SLIT2: variants seen among roughly 807,000 people sequenced by gnomAD.
SLIT2 encodes the protein slit homolog 2 protein.
In SLIT2, 41 loss-of-function variants were observed where a neutral mutation model predicts 185.7. That is an observed-to-expected ratio of 0.22 (90% CI 0.17 to 0.29). The LOEUF is 0.29. Among genes scored for constraint, SLIT2 ranks in the 10% least tolerant of loss-of-function variants. The probability of loss-of-function intolerance (pLI) is 1.00; values close to 1 mark genes in which losing one functional copy is unlikely to be tolerated. For missense variants in SLIT2, 1,571 were observed against 1,909.0 expected (o/e 0.82, Z 3.30); for synonymous variants, 693 against 680.2 (o/e 1.02, Z -0.29).
At chr4:20,441,287 G>A (rs1729717354) in intron 4 of SLIT2, among the ~76,000 whole-genome samples, 1 of 152,102 alleles carries the variant, frequency 6.6e-6, no homozygotes. Flanking sequence ...TTTCGTGCTT[G>A]TGGCACAGGA....
intron 4 of SLIT2, among the ~76,000 whole-genome samples, chr4:20,329,336 G>A (rs1240207695): frequency 6.6e-6 from 1 of 151,796 alleles, no homozygotes; most frequent in African/African-American, 2.4e-5. Flanking sequence ...AGAATAATTA[G>A]ATGAAATAAG....
At chr4:20,554,055 A>C in intron 26 of SLIT2, 87 bp downstream of exon 26, 1 of 1,057,888 alleles carries the variant, frequency 9.5e-7, no homozygotes, top group Non-Finnish European at 1.4e-6. Flanking sequence ...ATCCAAAGGT[A>C]TGGTTGAAAT....
intron 4 of SLIT2, among the ~76,000 whole-genome samples, chr4:20,412,920 T>C (rs1727370388): frequency 6.6e-6 from 1 of 152,110 alleles, no homozygotes; most frequent in Admixed American, 6.5e-5. Flanking sequence ...CACTTTCTTC[T>C]TCTTTTTCAA....
rs543509595 is a variant in SLIT2 at position 20,436,291 on chromosome 4, T to C, written c.396-31461T>C. Among the ~76,000 whole-genome samples, 81 of 152,306 alleles carry C rather than the reference T, an allele frequency of 5.3e-4. 1 individual carries two copies. The South Asian group carries it at 0.015, about 28-fold the overall frequency. ...AAACATACAATCTAAGTAAAAACTA[T>C]ATGCTTGTTAGGCAAACAGTGCTTC... is the stretch of plus-strand genomic sequence containing the variant. On this transcript the variant is annotated intron_variant, in intron 4 of 36. Transcript: ENST00000504154.
rs140270274 is a variant in SLIT2, at chr4:20,519,040, C to A, written c.1059-342C>A. On this transcript the variant is annotated intron_variant, in intron 11 of 36. Transcript: ENST00000504154. ...TTCTACACTTAGCATTCTTCTTTGT[C>A]ATATATAGTGTGCTCTCATTACATA... Among the ~76,000 whole-genome samples, 136 of 152,220 alleles carry A rather than the reference C, an allele frequency of 8.9e-4. 1 individual carries two copies. The highest frequency in any genetic ancestry group is 2.7e-3 in the African/African-American group (113 of 41,516).
At chr4:20,529,917 A>G (rs1001956724) in intron 16 of SLIT2, among the ~76,000 whole-genome samples, 1 of 152,134 alleles carries the variant, frequency 6.6e-6, no homozygotes, top group African/African-American at 2.4e-5. Context: ...TTTGTATATA[A>G]TCCTTCCATC....
intron 26 of SLIT2, among the ~76,000 whole-genome samples, chr4:20,556,484 G>T (rs1724263525): frequency 6.6e-6 from 1 of 151,824 alleles, no homozygotes; most frequent in African/African-American, 2.4e-5. Flanking sequence ...ACACAAATCT[G>T]AAAAAAGTTG....
At chr4:20,325,873 C>T (rs1719539268) in intron 4 of SLIT2, among the ~76,000 whole-genome samples, 2 of 152,010 alleles carry the variant, frequency 1.3e-5, no homozygotes, top group Non-Finnish European at 2.9e-5. Flanking sequence ...TTTATACATG[C>T]AATGTGACCA....
At chr4:20,559,657 A>G (rs1456147778) in intron 26 of SLIT2, among the ~76,000 whole-genome samples, 3 of 151,910 alleles carry the variant, frequency 2.0e-5, no homozygotes, top group Non-Finnish European at 4.4e-5. Context: ...TCTTTCCGCC[A>G]TTCTTATAGT....
intron 19 of SLIT2, 150 bp from the exon 20 acceptor site, chr4:20,541,303 A>G (rs1722781611): frequency 1.6e-6 from 1 of 640,266 alleles, no homozygotes; most frequent in Admixed American, 3.0e-5. Flanking sequence ...CATATACTGC[A>G]TGTGATTCTG....
rs532044579 is a variant in SLIT2, at chr4:20,390,759, A to ATGTTTT, written c.396-76992_396-76991insGTTTTT. 5.7e-4 allele frequency among the ~76,000 whole-genome samples: 85 copies of ATGTTTT among 148,666 alleles called. No individual in the cohort carries two copies. In the South Asian group the frequency reaches 0.014, roughly 25 times the overall value. On this transcript the variant is annotated intron_variant, in intron 4 of 36. Coordinates refer to ENST00000504154, the MANE Select transcript of SLIT2 (RefSeq NM_004787.4). ...TTTCAACATTTTAGAAAAAGATCTT[A>ATGTTTT]TTTTTTTTTTTTAAAAAAAAATATA...
At chr4:20,617,404 A>G in intron 35 of SLIT2, 35 bp from the exon 36 acceptor site, 2 of 1,577,482 alleles carry the variant, frequency 1.3e-6, no homozygotes, top group Non-Finnish European at 1.7e-6. Context: ...CCTCTTCTGA[A>G]TGCATTCCCA....
intron 25 of SLIT2, among the ~76,000 whole-genome samples, chr4:20,553,226 T>G (rs1448308767): frequency 6.6e-6 from 1 of 152,186 alleles, no homozygotes; most frequent in African/African-American, 2.4e-5. Context: ...ACTCTAACTA[T>G]CCTACACAGC....
chr4:20,412,169 T>C (rs903151819), intron 4 of SLIT2, among the ~76,000 whole-genome samples: 2 of 151,888 alleles, frequency 1.3e-5, no homozygotes, highest in African/African-American at 4.8e-5. Flanking sequence ...TCTTGAAAGA[T>C]GGTCAAAAAG....
chr4:20,316,622 G>A (rs1054061646), intron 4 of SLIT2, among the ~76,000 whole-genome samples: 1 of 151,484 alleles, frequency 6.6e-6, no homozygotes, highest in Non-Finnish European at 1.5e-5. Flanking sequence ...CTCTGTGAAA[G>A]TATTGCCTTT....
chr4:20,284,481 A>AG (rs1449256510), intron 4 of SLIT2, among the ~76,000 whole-genome samples: 1 of 152,202 alleles, frequency 6.6e-6, no homozygotes, highest in East Asian at 1.9e-4. Context: ...TTGAAGGAAA[A>AG]GGGTAGGGAG....
chr4:20,352,024 C>A (rs979173404), intron 4 of SLIT2, among the ~76,000 whole-genome samples: 26 of 152,108 alleles, frequency 1.7e-4, no homozygotes, highest in Non-Finnish European at 2.8e-4. Flanking sequence ...TCTTACAGAG[C>A]GAGAATGACA....
intron 9 of SLIT2, among the ~76,000 whole-genome samples, chr4:20,496,885 C>A (rs951334261): frequency 1.3e-5 from 2 of 152,098 alleles, no homozygotes; most frequent in Non-Finnish European, 2.9e-5. Flanking sequence ...ACCAGAGGAA[C>A]AGCCTATTAT....
chr4:20,415,839 C>T (rs1223803195), intron 4 of SLIT2, among the ~76,000 whole-genome samples: 1 of 152,136 alleles, frequency 6.6e-6, no homozygotes, highest in Non-Finnish European at 1.5e-5. Flanking sequence ...ACATTTTTAA[C>T]ATAATTTTTG....
Sources: allele counts gnomAD v4.1 joint callset (sites outside exome capture counted in the v4.1 genomes callset), GRCh38; gene constraint gnomAD v4.1.1; transcripts MANE v1.5; gene names NCBI Gene and HGNC (gene_info 2026-07-23, HGNC 2026-07-21).